TTC23L: variants seen among roughly 807,000 people sequenced by gnomAD.
TTC23L encodes the protein tetratricopeptide repeat domain 23 like.
Under a neutral mutation model 48.1 loss-of-function variants are expected in TTC23L, and 42 were observed. The ratio of observed to expected loss-of-function variants is 0.87; its 90% confidence interval spans 0.68 to 1.13. The LOEUF (loss-of-function observed/expected upper bound fraction) is 1.13, where lower values mean the gene tolerates loss of function less well. Among genes scored for constraint, TTC23L ranks in the 50% most tolerant of loss-of-function variants. TTC23L has a pLI of 0.00. For synonymous variants in TTC23L, 159 were observed against 157.2 expected (o/e 1.01, Z -0.09); for missense variants, 391 against 421.0 (o/e 0.93, Z 0.62).
At chr5:34,862,142 AAAAAG>A (rs1185857270) in intron 4 of TTC23L, among the ~76,000 whole-genome samples, 1 of 152,284 alleles carries the variant, frequency 6.6e-6, no homozygotes, top group African/African-American at 2.4e-5. Flanking sequence ...TTAAATCTTT[AAAAAG>A]AAAAGAAAAG....
chr5:34,874,142 C>G (rs913071329), intron 8 of TTC23L, among the ~76,000 whole-genome samples: 2 of 152,070 alleles, frequency 1.3e-5, no homozygotes, highest in Non-Finnish European at 2.9e-5. Flanking sequence ...ATTGGAGAGA[C>G]AGCAAAATAA....
intron 9 of TTC23L, among the ~76,000 whole-genome samples, chr5:34,892,909 A>G (rs937639127): frequency 6.6e-6 from 1 of 152,154 alleles, no homozygotes; most frequent in Admixed American, 6.6e-5. Context: ...GGCATTTGGG[A>G]TTTATTTAGT....
chr5:34,872,763 TTAA>T (rs1212805121), intron 8 of TTC23L, among the ~76,000 whole-genome samples: 1 of 152,190 alleles, frequency 6.6e-6, no homozygotes, highest in Non-Finnish European at 1.5e-5. Flanking sequence ...TTTGTAGCTG[TTAA>T]AAGAACCGGA....
the TTC23L span, chr5:34,913,450 T>C: frequency 7.0e-7 from 1 of 1,432,220 alleles, no homozygotes. Context: ...TTTTATGTCT[T>C]TATACTGATC....
the TTC23L span, chr5:34,914,879 G>C: frequency 1.2e-6 from 2 of 1,614,086 alleles, no homozygotes; most frequent in East Asian, 2.2e-5. Context: ...GATCTGTTGG[G>C]TCAGAAGGGG....
At chr5:34,885,460 G>A (rs1024222622) in intron 9 of TTC23L, among the ~76,000 whole-genome samples, 6 of 152,126 alleles carry the variant, frequency 3.9e-5, no homozygotes, top group Non-Finnish European at 8.8e-5. Context: ...TTTAGTGGTG[G>A]CCATATGCGA....
downstream of TTC23L, among the ~76,000 whole-genome samples, chr5:34,900,726 T>C (rs1335101725): frequency 1.3e-5 from 2 of 152,224 alleles, no homozygotes; most frequent in Non-Finnish European, 2.9e-5. Flanking sequence ...TGGCACTTCA[T>C]ATGGGTCCCA....
chr5:34,912,783 T>A, the TTC23L span, among the ~76,000 whole-genome samples: 1 of 152,196 alleles, frequency 6.6e-6, no homozygotes, highest in Admixed American at 6.5e-5. Context: ...GCAGATCACC[T>A]GAGGTCAGGA....
At chr5:34,915,837 C>T in the TTC23L span, 1 of 1,570,566 alleles carries the variant, frequency 6.4e-7, no homozygotes, top group Non-Finnish European at 8.6e-7. Context: ...CTAAGCGGCA[C>T]GCCACAGCAG....
At chr5:34,915,108 C>T in the TTC23L span, 6 of 574,604 alleles carry the variant, frequency 1.0e-5, no homozygotes, top group South Asian at 1.3e-4. Context: ...CTTTGTAATT[C>T]TGGAGGAAAA....
At chr5:34,908,491 C>T in the TTC23L span, 26 of 249,342 alleles carry the variant, frequency 1.0e-4, no homozygotes, top group Admixed American at 1.6e-4. Context: ...TGAAATGTTA[C>T]GCTGACTCAC....
intron 9 of TTC23L, among the ~76,000 whole-genome samples, chr5:34,884,883 T>G (rs1762455885): frequency 6.6e-6 from 1 of 152,228 alleles, no homozygotes; most frequent in Non-Finnish European, 1.5e-5. Flanking sequence ...GACATCCCTT[T>G]TATGTTTGTT....
chr5:34,895,821 C>A (rs1319478178), intron 9 of TTC23L, among the ~76,000 whole-genome samples: 1 of 152,198 alleles, frequency 6.6e-6, no homozygotes, highest in Non-Finnish European at 1.5e-5. Flanking sequence ...ATCAGCCAGA[C>A]CAGTCTTGGG....
chr5:34,852,074 A>C (rs1432344975), intron 4 of TTC23L, among the ~76,000 whole-genome samples: 1 of 152,184 alleles, frequency 6.6e-6, no homozygotes, highest in Non-Finnish European at 1.5e-5. Context: ...TTGTAGAGAT[A>C]AGGTCTTTCT....
the TTC23L span, chr5:34,920,070 T>C: frequency 4.9e-6 from 2 of 409,898 alleles, no homozygotes; most frequent in Admixed American, 9.3e-5. Context: ...TTCATTTCTG[T>C]TTGTTTTGTC....
At chr5:34,894,595 T>C (rs1763085311) in intron 9 of TTC23L, among the ~76,000 whole-genome samples, 1 of 152,232 alleles carries the variant, frequency 6.6e-6, no homozygotes, top group African/African-American at 2.4e-5. Flanking sequence ...ATAAAAAAGA[T>C]ACATTTTAAG....
intron 1 of TTC23L, among the ~76,000 whole-genome samples, chr5:34,840,285 G>A (rs1430517762): frequency 1.5e-5 from 2 of 137,420 alleles, no homozygotes; most frequent in African/African-American, 5.8e-5. Flanking sequence ...GCTGTGCTTC[G>A]TTTACCACTG....
chr5:34,891,037 T>G (rs1282465412), intron 9 of TTC23L, among the ~76,000 whole-genome samples: 1 of 152,270 alleles, frequency 6.6e-6, no homozygotes, highest in South Asian at 2.1e-4. Context: ...TGAAAGTTAA[T>G]GAGATGATAA....
At chr5:34,871,716 C>G (rs1006383066) in intron 8 of TTC23L, among the ~76,000 whole-genome samples, 2 of 152,106 alleles carry the variant, frequency 1.3e-5, no homozygotes, top group African/African-American at 2.4e-5. Context: ...ACATATCTCT[C>G]TATAATCAGA....
Sources: allele counts gnomAD v4.1 joint callset (sites outside exome capture counted in the v4.1 genomes callset), GRCh38; gene constraint gnomAD v4.1.1; transcripts MANE v1.5; gene names NCBI Gene and HGNC (gene_info 2026-07-23, HGNC 2026-07-21).